THSD7A: variants seen among roughly 807,000 people sequenced by gnomAD.
The protein encoded by THSD7A is thrombospondin type-1 domain-containing protein 7A.
A neutral mutation model predicts 231.3 loss-of-function variants in THSD7A; 96 were observed. The observed-to-expected ratio is 0.41, with a 90% CI of 0.35 to 0.49. The LOEUF (loss-of-function observed/expected upper bound fraction) is 0.49, where lower values mean the gene tolerates loss of function less well. Ranked by LOEUF, THSD7A falls within the 20% of genes least tolerant of loss-of-function variation. THSD7A has a pLI of 0.05. For missense variants in THSD7A, 2,290 were observed against 2,070.2 expected (o/e 1.11, Z -2.06); for synonymous variants, 940 against 743.3 (o/e 1.26, Z -4.30).
At chr7:11,804,531 G>A (rs1396865446) in intron 1 of THSD7A, among the ~76,000 whole-genome samples, 1 of 152,106 alleles carries the variant, frequency 6.6e-6, no homozygotes, top group Non-Finnish European at 1.5e-5. Context: ...TGCTTGAAAT[G>A]TTTTTGGAGA....
At chr7:11,714,505 T>C (rs950232789) in intron 1 of THSD7A, among the ~76,000 whole-genome samples, 5 of 151,242 alleles carry the variant, frequency 3.3e-5, no homozygotes, top group Admixed American at 2.0e-4. Flanking sequence ...AATATTTTGA[T>C]TGAGTTAGTG....
intron 1 of THSD7A, among the ~76,000 whole-genome samples, chr7:11,663,709 T>C (rs1783019911): frequency 6.6e-6 from 1 of 151,536 alleles, no homozygotes; most frequent in African/African-American, 2.4e-5. Context: ...AACCGGAGCT[T>C]TCTCAAAGAA....
chr7:11,568,288 C>T (rs1790452083), intron 4 of THSD7A, among the ~76,000 whole-genome samples: 1 of 151,998 alleles, frequency 6.6e-6, no homozygotes, highest in South Asian at 2.1e-4. Flanking sequence ...CTTCACTCTG[C>T]TGACCTTCTG....
Position 11,417,519 on chromosome 7 carries a change from T to C in THSD7A, c.3468A>G (p.Arg1156=). 1 of 1,613,850 alleles carries C rather than the reference T, an allele frequency of 6.2e-7. No individual in the cohort carries two copies. Among genetic ancestry groups the C allele is most frequent in the Non-Finnish European group, 8.5e-7 (1 of 1,179,794 alleles). The change falls in exon 17 of 28, where the codon AGA becomes AGG. Residue 1156 remains arginine, a synonymous_variant. Transcript: ENST00000423059. ...CCTCAGGGCATGGTAATTTGCACACTCTAGAGCCCAGGGGCATCTCTTCTG... is the reference window on the plus strand; with the variant it reads ...CCTCAGGGCATGGTAATTTGCACACCCTAGAGCCCAGGGGCATCTCTTCTG... The part of the protein sequence containing the change: ...CDPEEMPLGS[R]VCKLPCPEDC...
intron 1 of THSD7A, among the ~76,000 whole-genome samples, chr7:11,639,402 G>T (rs1189266390): frequency 2.0e-5 from 3 of 152,168 alleles, no homozygotes; most frequent in Non-Finnish European, 4.4e-5. Context: ...GGGCGCTGTG[G>T]CTCATGCCTG....
intron 4 of THSD7A, among the ~76,000 whole-genome samples, chr7:11,570,965 G>C (rs12699238): frequency 0.19 from 28,225 of 152,132 alleles, 2,945 homozygotes; most frequent in Admixed American, 0.23. Flanking sequence ...GGTTATTTCT[G>C]TCTCCATTCT....
chr7:11,392,782 C>G (rs943656747), intron 23 of THSD7A, among the ~76,000 whole-genome samples: 1 of 152,228 alleles, frequency 6.6e-6, no homozygotes, highest in Non-Finnish European at 1.5e-5. Context: ...TTGAACTGGG[C>G]AGAGCCCACC....
chr7:11,763,377 C>T (rs1281712433), intron 1 of THSD7A, among the ~76,000 whole-genome samples: 3 of 152,124 alleles, frequency 2.0e-5, no homozygotes, highest in Non-Finnish European at 4.4e-5. Flanking sequence ...CTTGACTGAA[C>T]TAAGTTAGAT....
chr7:11,678,243 G>A (rs1783721072), intron 1 of THSD7A, among the ~76,000 whole-genome samples: 1 of 152,110 alleles, frequency 6.6e-6, no homozygotes, highest in South Asian at 2.1e-4. Flanking sequence ...GAGAAAGCAG[G>A]AAAGATGTAA....
chr7:11,715,661 C>T (rs1232129675), intron 1 of THSD7A, among the ~76,000 whole-genome samples: 1 of 151,340 alleles, frequency 6.6e-6, no homozygotes, highest in African/African-American at 2.4e-5. Flanking sequence ...CTAACTTTTG[C>T]TGCTTACCTA....
At chr7:11,780,516 G>C (rs1037975746) in intron 1 of THSD7A, among the ~76,000 whole-genome samples, 3 of 152,062 alleles carry the variant, frequency 2.0e-5, no homozygotes, top group Non-Finnish European at 4.4e-5. Context: ...AAGGTCTTCA[G>C]CCGACAGCCA....
intron 7 of THSD7A, among the ~76,000 whole-genome samples, chr7:11,481,187 T>C (rs1300450693): frequency 1.3e-5 from 2 of 152,130 alleles, no homozygotes; most frequent in Non-Finnish European, 2.9e-5. Flanking sequence ...GGTCTGAATA[T>C]GTGACAAACA....
intron 24 of THSD7A, among the ~76,000 whole-genome samples, chr7:11,380,463 T>A (rs1782466286): frequency 6.6e-6 from 1 of 152,208 alleles, no homozygotes; most frequent in South Asian, 2.1e-4. Flanking sequence ...AAATTTTTTC[T>A]TTATTTATGG....
At position 11,526,084 on chromosome 7, in the gene THSD7A, A is replaced by G. The variant is rs1007188857; in HGVS notation, c.1822+15335T>C. Among the ~76,000 whole-genome samples the G allele has an allele frequency of 9.8e-5, 15 of 152,306 alleles. No individual in the cohort carries two copies. In the South Asian group the frequency reaches 1.4e-3, roughly 15 times the overall value. ...GAGTTCTACGTTAAAGGATCTGATT[A>G]TACCATTTCCCTACCAGAATATTTT... On this transcript the variant is annotated intron_variant, in intron 6 of 27. Transcript: ENST00000423059.
chr7:11,480,419 C>A (rs914559700), intron 7 of THSD7A, among the ~76,000 whole-genome samples: 1 of 152,070 alleles, frequency 6.6e-6, no homozygotes, highest in Non-Finnish European at 1.5e-5. Context: ...AGCAGGGTGA[C>A]CACAGATCTA....
At position 11,474,874 on chromosome 7, in the gene THSD7A, T is replaced by C. The variant is rs139491791; in HGVS notation, c.2018-306A>G. ...TATATTGTGCGGTATTTAGTATAACTGGGATTCAAGGAGTACAATTTCACT... is the reference window on the plus strand; with the variant it reads ...TATATTGTGCGGTATTTAGTATAACCGGGATTCAAGGAGTACAATTTCACT... On this transcript the variant is annotated intron_variant, in intron 7 of 27. Coordinates refer to ENST00000423059, the MANE Select transcript of THSD7A (RefSeq NM_015204.3). This position sits in a 1 kb window ranked among gnomAD's most constrained non-coding sequence, Gnocchi z 4.1. 3.3e-3 allele frequency among the ~76,000 whole-genome samples: 500 copies of C among 152,238 alleles called. 2 individuals carry two copies. Among genetic ancestry groups the C allele is most frequent in the East Asian group, 0.03 (156 of 5,176 alleles).
At chr7:11,593,760 G>A (rs1047319479) in intron 2 of THSD7A, among the ~76,000 whole-genome samples, 1 of 152,168 alleles carries the variant, frequency 6.6e-6, no homozygotes, top group Non-Finnish European at 1.5e-5. Flanking sequence ...AGTAAAATTA[G>A]CTAAAGCTAA....
intron 1 of THSD7A, among the ~76,000 whole-genome samples, chr7:11,729,741 G>A (rs182538719): frequency 7.7e-4 from 117 of 151,788 alleles, no homozygotes; most frequent in South Asian, 2.7e-3. Context: ...ATGTTACTTA[G>A]CAGGTGATAC....
At chr7:11,518,739 A>C (rs1011667440) in intron 6 of THSD7A, among the ~76,000 whole-genome samples, 3 of 152,196 alleles carry the variant, frequency 2.0e-5, no homozygotes, top group African/African-American at 7.2e-5. Context: ...AAAACCAATT[A>C]AATATGGCTA....
Sources: allele counts gnomAD v4.1 joint callset (sites outside exome capture counted in the v4.1 genomes callset), GRCh38; gene constraint gnomAD v4.1.1; non-coding constraint Gnocchi (gnomAD v3.1); transcripts MANE v1.5; gene names NCBI Gene and HGNC (gene_info 2026-07-23, HGNC 2026-07-21).